Variants in LRP1B observed in about 807,000 individuals in gnomAD.
The protein encoded by LRP1B is LDL receptor related protein 1B.
Under a neutral mutation model 556.6 loss-of-function variants are expected in LRP1B, and 217 were observed. That is an observed-to-expected ratio of 0.39 (90% CI 0.35 to 0.44). The LOEUF (loss-of-function observed/expected upper bound fraction) is 0.44, where lower values mean the gene tolerates loss of function less well. LRP1B is among the 20% of genes least tolerant of loss of function. The probability of loss-of-function intolerance (pLI) is 1.00; values close to 1 mark genes in which losing one functional copy is unlikely to be tolerated. For missense variants in LRP1B, 5,053 were observed against 5,620.8 expected, an observed-to-expected ratio of 0.90 and a Z score of 3.23; for synonymous variants, 2,047 against 1,865.8, an observed-to-expected ratio of 1.10 and a Z score of -2.50.
chr2:140,451,082 T>C (rs1012903388), intron 62 of LRP1B, among the ~76,000 whole-genome samples: 4 of 152,134 alleles, frequency 2.6e-5, no homozygotes, highest in African/African-American at 9.7e-5. Flanking sequence ...GCTGGGACTA[T>C]AGGTACATGC....
At chr2:140,865,499 C>T (rs1421598085) in intron 27 of LRP1B, among the ~76,000 whole-genome samples, 1 of 151,770 alleles carries the variant, frequency 6.6e-6, no homozygotes. Context: ...ATAAAATAGT[C>T]GATATGTTCC....
intron 41 of LRP1B, among the ~76,000 whole-genome samples, chr2:140,653,448 A>G (rs1266476774): frequency 2.6e-5 from 4 of 151,976 alleles, no homozygotes; most frequent in African/African-American, 7.3e-5. Flanking sequence ...AAGTTGTATG[A>G]AAAAGGAAAA....
chr2:141,115,625 TTGTG>T (rs70991139), intron 7 of LRP1B, among the ~76,000 whole-genome samples: 1,060 of 91,550 alleles, frequency 0.012, 12 homozygotes, highest in African/African-American at 0.036. Context: ...CCCGGCTAAT[TTGTG>T]TGTGTGTGTG....
At chr2:140,902,023 A>C (rs978085394) in intron 23 of LRP1B, among the ~76,000 whole-genome samples, 1 of 152,188 alleles carries the variant, frequency 6.6e-6, no homozygotes, top group Non-Finnish European at 1.5e-5. Flanking sequence ...TGATATGAAT[A>C]TATCTATTAC....
intron 66 of LRP1B, among the ~76,000 whole-genome samples, chr2:140,402,597 G>T (rs1186164862): frequency 6.6e-6 from 1 of 152,164 alleles, no homozygotes; most frequent in East Asian, 1.9e-4. Context: ...GGAACACTGG[G>T]ACAGGAGTGA....
chr2:141,796,853 A>G (rs1695829743), intron 2 of LRP1B, among the ~76,000 whole-genome samples: 10 of 151,762 alleles, frequency 6.6e-5, no homozygotes, highest in Admixed American at 6.6e-4. Flanking sequence ...AACCTTCTTC[A>G]GGGTCTACTT....
intron 43 of LRP1B, among the ~76,000 whole-genome samples, chr2:140,547,845 A>G (rs1680401886): frequency 6.6e-6 from 1 of 151,962 alleles, no homozygotes; most frequent in Admixed American, 6.6e-5. Context: ...GTATTTTAAA[A>G]TCAAATTAAA....
At chr2:141,116,225 G>A (rs1003941482) in intron 7 of LRP1B, among the ~76,000 whole-genome samples, 19 of 152,110 alleles carry the variant, frequency 1.2e-4, no homozygotes, top group Non-Finnish European at 2.6e-4. Flanking sequence ...ATTAAAATCT[G>A]TAACAATTAT....
chr2:140,998,580 T>C (rs1697321915), intron 15 of LRP1B, among the ~76,000 whole-genome samples: 1 of 152,056 alleles, frequency 6.6e-6, no homozygotes. Flanking sequence ...GATTTGACCA[T>C]GACGGACAAG....
intron 1 of LRP1B, among the ~76,000 whole-genome samples, chr2:141,918,734 G>A (rs1700104208): frequency 6.6e-6 from 1 of 152,102 alleles, no homozygotes; most frequent in South Asian, 2.1e-4. Context: ...ATAGAAAATA[G>A]CCAGGATAAT....
intron 50 of LRP1B, among the ~76,000 whole-genome samples, chr2:140,516,350 T>C (rs532793921): frequency 1.3e-5 from 2 of 152,142 alleles, no homozygotes; most frequent in African/African-American, 4.8e-5. Flanking sequence ...ATTTACATTG[T>C]ATTAGGCATT....
At chr2:141,065,058 CATAA>C (rs1699441625) in intron 7 of LRP1B, among the ~76,000 whole-genome samples, 1 of 151,834 alleles carries the variant, frequency 6.6e-6, no homozygotes, top group Non-Finnish European at 1.5e-5. Context: ...TTGCCGGAGC[CATAA>C]ATGTCACAGC....
intron 17 of LRP1B, among the ~76,000 whole-genome samples, chr2:140,988,583 A>C (rs1169329475): frequency 6.6e-6 from 1 of 152,116 alleles, no homozygotes; most frequent in African/African-American, 2.4e-5. Flanking sequence ...GGAAATCAAA[A>C]GTGCAGAGAG....
intron 84 of LRP1B, 126 bp from the exon 85 acceptor site, chr2:140,274,724 T>C: frequency 1.4e-6 from 1 of 706,990 alleles, no homozygotes; most frequent in Non-Finnish European, 2.3e-6. Context: ...CAAAAGCAGC[T>C]TATAATTACA....
chr2:141,130,629 G>T (rs1020379174), intron 7 of LRP1B, among the ~76,000 whole-genome samples: 2 of 152,006 alleles, frequency 1.3e-5, no homozygotes, highest in African/African-American at 4.8e-5. Context: ...TTGTAAAAAG[G>T]TATTTGTGGA....
chr2:140,717,035 AT>A (rs1048990223), intron 35 of LRP1B, among the ~76,000 whole-genome samples: 3 of 152,002 alleles, frequency 2.0e-5, no homozygotes, highest in African/African-American at 7.2e-5. Context: ...TTTTTGAAGT[AT>A]TTTTTGAAAT....
At chr2:141,798,578 G>A (rs1356934513) in intron 2 of LRP1B, among the ~76,000 whole-genome samples, 2 of 151,444 alleles carry the variant, frequency 1.3e-5, no homozygotes, top group Non-Finnish European at 2.9e-5. Context: ...GTGGTGGTGG[G>A]TGCCTGTAGT....
At chr2:140,784,421 C>CAAAA (rs1246358415) in intron 32 of LRP1B, among the ~76,000 whole-genome samples, 5 of 146,588 alleles carry the variant, frequency 3.4e-5, no homozygotes, top group African/African-American at 1.3e-4. Context: ...CACACACACA[C>CAAAA]AAAAGGCTCA....
chr2:141,613,289 G>C (rs1415538342), intron 2 of LRP1B, among the ~76,000 whole-genome samples: 1 of 151,992 alleles, frequency 6.6e-6, no homozygotes, highest in Non-Finnish European at 1.5e-5. Flanking sequence ...TGTAGTCATT[G>C]ACACTACAGC....
Sources: allele counts gnomAD v4.1 joint callset (sites outside exome capture counted in the v4.1 genomes callset), GRCh38; gene constraint gnomAD v4.1.1; transcripts MANE v1.5; gene names NCBI Gene and HGNC (gene_info 2026-07-23, HGNC 2026-07-21).